TRIM62: variants seen among roughly 807,000 people sequenced by gnomAD.
The protein encoded by TRIM62 is E3 ubiquitin-protein ligase TRIM62.
Under a neutral mutation model 44.2 loss-of-function variants are expected in TRIM62, and 39 were observed. That is an observed-to-expected ratio of 0.88 (90% CI 0.68 to 1.15). The LOEUF (loss-of-function observed/expected upper bound fraction) is 1.15. Among genes scored for constraint, TRIM62 ranks in the 50% most tolerant of loss-of-function variants. The pLI, the probability that TRIM62 is intolerant of heterozygous loss-of-function variation, is 0.00. For synonymous variants in TRIM62, 278 were observed against 292.3 expected (o/e 0.95, Z 0.50); for missense variants, 544 against 665.5 (o/e 0.82, Z 2.01).
At chr1:33,166,647 G>A (rs1645330133) in intron 1 of TRIM62, among the ~76,000 whole-genome samples, 2 of 152,168 alleles carry the variant, frequency 1.3e-5, no homozygotes, top group Admixed American at 1.3e-4. Context: ...TGGTAAAGAA[G>A]GAATTGGAAC....
At chr1:33,176,379 G>A (rs1259342344) in intron 1 of TRIM62, 3 of 680,998 alleles carry the variant, frequency 4.4e-6, no homozygotes, top group Non-Finnish European at 8.2e-6. Context: ...GGCTGCCTTG[G>A]TGTCACTGGA....
intron 1 of TRIM62, 115 bp downstream of exon 1, chr1:33,180,910 G>C (rs2147993890): frequency 3.3e-5 from 13 of 392,046 alleles, no homozygotes; most frequent in South Asian, 2.1e-4. Context: ...TGGCGGCCCC[G>C]CCCCAGGACC....
chr1:33,176,465 G>A, intron 1 of TRIM62: 1 of 695,264 alleles, frequency 1.4e-6, no homozygotes, highest in Non-Finnish European at 2.6e-6. Context: ...AGGAAGCCTT[G>A]GGAAGGGCTC....
At chr1:33,179,326 G>A (rs1431478802) in intron 1 of TRIM62, among the ~76,000 whole-genome samples, 1 of 152,220 alleles carries the variant, frequency 6.6e-6, no homozygotes, top group East Asian at 1.9e-4. Context: ...GTAGTTTTGA[G>A]ATAAAAGGGA....
In TRIM62 at chr1:33,167,144, A is replaced by C. The variant is rs749630370; in HGVS notation, c.409-1578T>G. 7.9e-5 allele frequency among the ~76,000 whole-genome samples: 12 copies of C among 152,124 alleles called. No individual in the cohort carries two copies. The highest frequency in any genetic ancestry group is 2.0e-4 in the Admixed American group (3 of 15,274). ...CTCACGGTGACTCCTTTGTACCATT[A>C]ATTTAACTCAGATGCCACCTCCTTG... On this transcript the variant is annotated intron_variant, in intron 1 of 4. Coordinates refer to ENST00000291416, the MANE Select transcript of TRIM62 (RefSeq NM_018207.3). This position sits in a 1 kb window ranked among gnomAD's most constrained non-coding sequence, Gnocchi z 4.2.
Position 33,181,635 on chromosome 1 carries a change from G to T in TRIM62, c.-203C>A. On this transcript the variant is annotated 5_prime_UTR_variant, in exon 1 of 5. Coordinates refer to ENST00000291416, the MANE Select transcript of TRIM62 (RefSeq NM_018207.3). This position sits in a 1 kb window ranked among gnomAD's most constrained non-coding sequence, Gnocchi z 6.5. ...GTGCGCGGCTGAGACTCCGTGGGAC[G>T]CCAGCCCGGGAGGGCAGTCTAGAGG... The T allele has an allele frequency of 1.0e-6, 1 of 969,970 alleles. No individual in the cohort carries two copies. Among genetic ancestry groups the T allele is most frequent in the Non-Finnish European group, 1.5e-6 (1 of 689,562 alleles). 60.1% of individuals were successfully genotyped at this position (969,970 alleles called of 1,614,324 possible).
At chr1:33,169,648 T>C (rs1645357456) in intron 1 of TRIM62, among the ~76,000 whole-genome samples, 1 of 152,116 alleles carries the variant, frequency 6.6e-6, no homozygotes, top group Admixed American at 6.5e-5. Context: ...TCTTCTCCAG[T>C]CCTAGCTCTT....
At chr1:33,176,461 C>G (rs971296753) in intron 1 of TRIM62, 1 of 695,290 alleles carries the variant, frequency 1.4e-6, no homozygotes, top group Non-Finnish European at 2.6e-6. Flanking sequence ...ATGAAGGAAG[C>G]CTTGGGAAGG....
rs1458091050 is a variant in TRIM62 at position 33,145,808 on chromosome 1, C to T, written c.*1369G>A. On this transcript the variant is annotated 3_prime_UTR_variant, in exon 5 of 5. Transcript: ENST00000291416. ...CTCCCGAGTTCTTCACGATTGGATG[C>T]TGTGGCAGAAAAACGCAGGTGGGGC... The T allele has an allele frequency of 2.1e-6, 1 of 467,798 alleles. No homozygotes were observed. The highest frequency in any genetic ancestry group is 2.4e-5 in the Admixed American group (1 of 42,144). 29.0% of individuals were successfully genotyped at this position (467,798 alleles called of 1,614,324 possible). A position where few individuals can be genotyped will look rare whatever the true frequency, so the allele number is the denominator to read the frequency against.
chr1:33,181,112 G>T lies in TRIM62; in HGVS notation c.321C>A (p.Arg107=). The part of the protein sequence containing the change: ...DKVKLFCLTD[R]ALLCFFCDEP... ...CGTCGCAGAAGAAGCAGAGAAGCGC[G>T]CGGTCCGTGAGGCAGAAGAGCTTGA... is the stretch of plus-strand genomic sequence containing the variant. The change falls in exon 1 of 5, where the codon CGC becomes CGA. Residue 107 remains arginine, a synonymous_variant. Coordinates refer to ENST00000291416, the MANE Select transcript of TRIM62 (RefSeq NM_018207.3). This position sits in a 1 kb window ranked among gnomAD's most constrained non-coding sequence, Gnocchi z 6.5. 6.2e-7 allele frequency: 1 copy of T among 1,600,264 alleles called. No homozygotes were observed.
intron 4 of TRIM62, among the ~76,000 whole-genome samples, chr1:33,153,829 C>T (rs1645135674): frequency 3.3e-5 from 5 of 152,206 alleles, no homozygotes; most frequent in Admixed American, 3.3e-4. Flanking sequence ...AGGATCCATT[C>T]ATTTTGTTAT....
At chr1:33,178,161 C>T (rs931410634) in intron 1 of TRIM62, among the ~76,000 whole-genome samples, 2 of 152,232 alleles carry the variant, frequency 1.3e-5, no homozygotes, top group African/African-American at 4.8e-5. Flanking sequence ...CTCCCTCTCC[C>T]TCTCCTGTTT....
rs548553292 is a variant in TRIM62, at chr1:33,177,006, G to C, written c.408+4019C>G. On this transcript the variant is annotated intron_variant, in intron 1 of 4. Transcript: ENST00000291416. This position sits in a 1 kb window ranked among gnomAD's most constrained non-coding sequence, Gnocchi z 4.1. ...AGTGGTCCAGGTACTCAGCAGTGGA[G>C]GTGGGGAGGAAGACACCAACACACA... Among the ~76,000 whole-genome samples the C allele has an allele frequency of 6.6e-6, 1 of 152,038 alleles. No individual in the cohort carries two copies. Among genetic ancestry groups the C allele is most frequent in the Non-Finnish European group, 1.5e-5 (1 of 68,030 alleles).
intron 1 of TRIM62, chr1:33,176,551 C>T (rs643402): frequency 0.76 from 457,027 of 604,716 alleles, 173,264 homozygotes; most frequent in Admixed American, 0.8. Flanking sequence ...GAACCTGAGA[C>T]GGCCAGAGAG....
At position 33,180,680 on chromosome 1, in the gene TRIM62, C is replaced by T. The variant is rs1645453093; in HGVS notation, c.408+345G>A. Among the ~76,000 whole-genome samples, 3 of 152,332 alleles carry T rather than the reference C, an allele frequency of 2.0e-5. No individual in the cohort carries two copies. The South Asian group carries it at 6.2e-4, about 32-fold the overall frequency. ...ACTCTGATTCCGGTTCGTCCACAACCCTGCCCCAGCCCAGTATCTGGTCCA... is the reference window on the plus strand; with the variant it reads ...ACTCTGATTCCGGTTCGTCCACAACTCTGCCCCAGCCCAGTATCTGGTCCA... On this transcript the variant is annotated intron_variant, in intron 1 of 4. Coordinates refer to ENST00000291416, the MANE Select transcript of TRIM62 (RefSeq NM_018207.3).
In TRIM62 at chr1:33,145,527, T is replaced by A. The variant is rs957907544; in HGVS notation, c.*1650A>T. On this transcript the variant is annotated 3_prime_UTR_variant, in exon 5 of 5. Transcript: ENST00000291416. ...TGAAGGGTTGGGGTAGGGCTGACAATTCCTTTTGCCCAAGGGAGGCCCGGG... is the reference window on the plus strand; with the variant it reads ...TGAAGGGTTGGGGTAGGGCTGACAAATCCTTTTGCCCAAGGGAGGCCCGGG... 2 of 172,516 alleles carry A rather than the reference T, an allele frequency of 1.2e-5. No individual in the cohort carries two copies. The highest frequency in any genetic ancestry group is 4.8e-5 in the African/African-American group (2 of 41,996). 10.7% of individuals were successfully genotyped at this position (172,516 alleles called of 1,614,324 possible). A position where few individuals can be genotyped will look rare whatever the true frequency, so the allele number is the denominator to read the frequency against.
chr1:33,150,234 T>C (rs768929715), intron 4 of TRIM62, among the ~76,000 whole-genome samples: 2 of 152,214 alleles, frequency 1.3e-5, no homozygotes, highest in Non-Finnish European at 2.9e-5. Context: ...GACATCCAGC[T>C]CTCTGGCTCT....
intron 1 of TRIM62, among the ~76,000 whole-genome samples, chr1:33,178,459 A>G (rs1413477947): frequency 6.6e-6 from 1 of 152,204 alleles, no homozygotes; most frequent in Non-Finnish European, 1.5e-5. Flanking sequence ...ACACTAAAGC[A>G]AGGCCTCCTT....
At chr1:33,148,784 CA>C (rs1645054824) in intron 4 of TRIM62, among the ~76,000 whole-genome samples, 1 of 152,162 alleles carries the variant, frequency 6.6e-6, no homozygotes, top group South Asian at 2.1e-4. Flanking sequence ...GAAAAGTAGA[CA>C]ATGGGTCTGA....
Sources: allele counts gnomAD v4.1 joint callset (sites outside exome capture counted in the v4.1 genomes callset), GRCh38; gene constraint gnomAD v4.1.1; non-coding constraint Gnocchi (gnomAD v3.1); transcripts MANE v1.5; gene names NCBI Gene and HGNC (gene_info 2026-07-23, HGNC 2026-07-21).